ARID1B: variants seen among roughly 807,000 people sequenced by gnomAD.
The protein encoded by ARID1B is AT-rich interaction domain 1B.
In ARID1B, 30 loss-of-function variants were observed where a neutral mutation model predicts 212.3. That is an observed-to-expected ratio of 0.14 (90% CI 0.11 to 0.19). The LOEUF (loss-of-function observed/expected upper bound fraction) is 0.19. Ranked by LOEUF, ARID1B falls within the 10% of genes least tolerant of loss-of-function variation. The pLI is 1.00. For missense variants in ARID1B, 2,891 were observed against 3,204.0 expected (o/e 0.90, Z 2.36); for synonymous variants, 1,402 against 1,301.7 (o/e 1.08, Z -1.66).
chr6:157,055,337 T>A (rs1444317972), intron 4 of ARID1B, among the ~76,000 whole-genome samples: 1 of 152,232 alleles, frequency 6.6e-6, no homozygotes, highest in Non-Finnish European at 1.5e-5. Context: ...AGTAACATAA[T>A]CTTTTTTTGT....
intron 4 of ARID1B, among the ~76,000 whole-genome samples, chr6:156,954,169 G>A (rs1243829692): frequency 6.6e-6 from 1 of 151,514 alleles, no homozygotes; most frequent in Non-Finnish European, 1.5e-5. Context: ...AAAGTTCTAA[G>A]GAACTAAGCT....
rs578060583 is a variant in ARID1B, at chr6:157,196,926, C to CT, written c.4382+613dup. On this transcript the variant is annotated intron_variant, in intron 16 of 19. Coordinates refer to ENST00000636930, the MANE Select transcript of ARID1B (RefSeq NM_001374828.1). ...AAATGACTGAAAATGGCAAGTTAAA[C>CT]TTGCAAGTTAAAATGGCAAGTTCAG... Among the ~76,000 whole-genome samples the CT allele has an allele frequency of 3.9e-3, 601 of 152,322 alleles. 7 individuals carry two copies. Among genetic ancestry groups the CT allele is most frequent in the Admixed American group, 9.6e-3 (147 of 15,300 alleles).
At chr6:156,870,963 G>C (rs968399224) in intron 2 of ARID1B, among the ~76,000 whole-genome samples, 4 of 152,174 alleles carry the variant, frequency 2.6e-5, no homozygotes, top group African/African-American at 9.7e-5. Context: ...TGCATGTTTT[G>C]TATTTGGGAT....
intron 2 of ARID1B, among the ~76,000 whole-genome samples, chr6:156,899,926 T>TA (rs1788783555): frequency 6.6e-6 from 1 of 152,220 alleles, no homozygotes; most frequent in African/African-American, 2.4e-5. Flanking sequence ...TTGTGTGAAA[T>TA]ATAGTATTAG....
At chr6:157,198,457 G>A (rs908714314) in intron 16 of ARID1B, 2 of 229,594 alleles carry the variant, frequency 8.7e-6, no homozygotes, top group Non-Finnish European at 1.7e-5. Flanking sequence ...AGCACTGTAC[G>A]ACACTTCCTA....
intron 2 of ARID1B, among the ~76,000 whole-genome samples, chr6:156,857,006 G>T (rs976757024): frequency 1.3e-5 from 2 of 152,132 alleles, no homozygotes; most frequent in Admixed American, 1.3e-4. Context: ...TATGGGAGCC[G>T]CATGGAGGAG....
intron 3 of ARID1B, among the ~76,000 whole-genome samples, chr6:156,929,247 A>G (rs932866476): frequency 3.9e-5 from 6 of 152,182 alleles, no homozygotes; most frequent in Non-Finnish European, 7.4e-5. Flanking sequence ...TGAGGTGGCA[A>G]GGGCTGAGCA....
chr6:157,198,765 C>T lies in ARID1B; in HGVS notation c.4383-46C>T, dbSNP rs749978740. The T allele has an allele frequency of 8.1e-6, 12 of 1,490,248 alleles. No homozygotes were observed. The Admixed American group carries it at 1.9e-4, about 23-fold the overall frequency. The allele number at this position is 1,490,248 out of a possible 1,614,324, so 92.3% of individuals were successfully genotyped here. On this transcript the variant is annotated intron_variant, in intron 16 of 19. Coordinates refer to ENST00000636930, the MANE Select transcript of ARID1B (RefSeq NM_001374828.1). The stretch of plus-strand genomic sequence containing the variant: ...ATGGATTGTTTATTTCTCTGTTTGC[C>T]TGAAGCTTTTTCTCAGTTAAGTTTT...
At chr6:157,001,710 G>A (rs548754027) in intron 4 of ARID1B, among the ~76,000 whole-genome samples, 2 of 152,276 alleles carry the variant, frequency 1.3e-5, no homozygotes, top group East Asian at 3.9e-4. Context: ...TTGTATTCCT[G>A]GGCTTATAAG....
At chr6:157,176,070 C>T (rs1583454893) in intron 11 of ARID1B, among the ~76,000 whole-genome samples, 6 of 152,302 alleles carry the variant, frequency 3.9e-5, no homozygotes, top group Admixed American at 3.9e-4. Context: ...CAGATAGAGC[C>T]TGAAGGCTTG....
At chr6:157,100,468 T>C (rs978790765) in intron 5 of ARID1B, among the ~76,000 whole-genome samples, 5 of 152,228 alleles carry the variant, frequency 3.3e-5, no homozygotes, top group Non-Finnish European at 5.9e-5. Flanking sequence ...AGCCTGCTTC[T>C]TCATTCTGAG....
At chr6:156,857,778 C>T (rs943051287) in intron 2 of ARID1B, among the ~76,000 whole-genome samples, 2 of 152,080 alleles carry the variant, frequency 1.3e-5, no homozygotes, top group African/African-American at 2.4e-5. Flanking sequence ...GTGTGAACAC[C>T]ATAGAGTGTA....
intron 4 of ARID1B, among the ~76,000 whole-genome samples, chr6:156,997,306 A>G (rs1778650585): frequency 6.6e-6 from 1 of 152,200 alleles, no homozygotes. Context: ...AATTCCTCTC[A>G]TGTCTGTGCA....
chr6:156,779,489 CG>C lies in ARID1B; in HGVS notation c.1791+21del. On this transcript the variant is annotated intron_variant, in intron 1 of 19. Transcript: ENST00000636930. ...GATCCCAGGTAACCCTCGCGCCAGC[CG>C]GGCCTGCTTCCGCCCGGCGGCCTCG... 2 of 1,347,838 alleles carry C rather than the reference CG, an allele frequency of 1.5e-6. No homozygotes were observed. The highest frequency in any genetic ancestry group is 1.7e-5 in the South Asian group (1 of 59,546). 83.5% of individuals were successfully genotyped at this position (1,347,838 alleles called of 1,614,324 possible). A position where few individuals can be genotyped will look rare whatever the true frequency, so the allele number is the denominator to read the frequency against.
intron 2 of ARID1B, among the ~76,000 whole-genome samples, chr6:156,832,810 A>G (rs1380855844): frequency 6.6e-6 from 1 of 152,102 alleles, no homozygotes; most frequent in Non-Finnish European, 1.5e-5. Context: ...TTTTAGTATT[A>G]CCCTGGTGAT....
intron 4 of ARID1B, among the ~76,000 whole-genome samples, chr6:157,012,731 G>A (rs76101736): frequency 0.013 from 1,969 of 152,252 alleles, 45 homozygotes; most frequent in African/African-American, 0.045. Context: ...GAAATAAGAA[G>A]TTATACTCTG....
chr6:157,042,239 C>T (rs901940576), intron 4 of ARID1B, among the ~76,000 whole-genome samples: 4 of 152,148 alleles, frequency 2.6e-5, no homozygotes, highest in Non-Finnish European at 4.4e-5. Flanking sequence ...CAGTGTATTT[C>T]CTGGGGTAAA....
intron 2 of ARID1B, among the ~76,000 whole-genome samples, chr6:156,880,739 C>CAAAA (rs141153792): frequency 3.3e-3 from 287 of 86,952 alleles, no homozygotes; most frequent in East Asian, 0.011. Context: ...GACTCTGTCT[C>CAAAA]AAAAAAAAAA....
intron 8 of ARID1B, among the ~76,000 whole-genome samples, chr6:157,163,521 T>C (rs80140478): frequency 0.034 from 5,114 of 152,200 alleles, 138 homozygotes; most frequent in African/African-American, 0.066. Flanking sequence ...CAAATAGGAT[T>C]TCCTCTGCAA....
Sources: gnomAD v4.1 joint callset for allele counts (sites outside exome capture counted in the v4.1 genomes callset) on GRCh38, gnomAD v4.1.1 for gene constraint, MANE v1.5 for transcripts, NCBI Gene and HGNC (gene_info 2026-07-23, HGNC 2026-07-21) for gene names.